The following ZNF536 variants were observed in gnomAD, a reference collection of about 807,000 sequenced individuals.
ZNF536 encodes the protein zinc finger protein 536.
Under a neutral mutation model 84.5 loss-of-function variants are expected in ZNF536, and 13 were observed. That is an observed-to-expected ratio of 0.15 (90% CI 0.10 to 0.24). The LOEUF (loss-of-function observed/expected upper bound fraction) is 0.24. ZNF536 is among the 10% of genes least tolerant of loss of function. The pLI is 1.00. For synonymous variants in ZNF536, 811 were observed against 742.5 expected, an observed-to-expected ratio of 1.09 and a Z score of -1.50; for missense variants, 1,536 against 1,747.5, an observed-to-expected ratio of 0.88 and a Z score of 2.16.
chr19:30,447,262 G>A (rs1359651491), intron 2 of ZNF536, among the ~76,000 whole-genome samples: 2 of 152,134 alleles, frequency 1.3e-5, no homozygotes, highest in Non-Finnish European at 2.9e-5. Context: ...ATTCACTGCT[G>A]CACTTATTAA....
At chr19:30,382,342 T>C (rs571879295) in intron 1 of ZNF536, among the ~76,000 whole-genome samples, 15 of 152,342 alleles carry the variant, frequency 9.8e-5, no homozygotes, top group African/African-American at 3.6e-4. Flanking sequence ...GGCAACTGCA[T>C]GGTCTATCCA....
chr19:30,445,234 C>G lies in ZNF536; in HGVS notation c.1672C>G (p.Leu558Val), dbSNP rs2052265236. ...AGACACTTTGGCAAACGCCGGGGTT[C>G]TGTTTGATAAGGAGAAGCGGGAGTA... is the stretch of plus-strand genomic sequence containing the variant. The part of the protein sequence containing the change: ...HEDTLANAGV[L>V]FDKEKREYVL... The change falls in exon 2 of 5, where the codon CTG (leucine) becomes GTG (valine). Residue 558 changes from leucine (L) to valine (V), a missense_variant. Transcript: ENST00000355537. The surrounding 1 kb of genome is among the most constrained non-coding windows in gnomAD (Gnocchi z 4.5). 52 of 1,614,170 alleles carry G rather than the reference C, an allele frequency of 3.2e-5. No individual in the cohort carries two copies. Among genetic ancestry groups the G allele is most frequent in the Non-Finnish European group, 4.4e-5 (52 of 1,180,044 alleles).
At chr19:30,682,803 C>T (rs763167773) in intron 1 of ZNF536, among the ~76,000 whole-genome samples, 1 of 152,122 alleles carries the variant, frequency 6.6e-6, no homozygotes, top group Non-Finnish European at 1.5e-5. Context: ...GCCCTCTCCC[C>T]GGGAGTGGAA....
At position 30,567,048 on chromosome 19, in the gene ZNF536, C is replaced by T. The variant is rs112690537; in HGVS notation, c.169+17534C>T. Among the ~76,000 whole-genome samples, 858 of 152,304 alleles carry T rather than the reference C, an allele frequency of 5.6e-3. 15 individuals are homozygous for T. The highest frequency in any genetic ancestry group is 0.02 in the African/African-American group (839 of 41,564). Reference sequence around the variant, plus strand: ...GGGTAGTGGCGGTTCCTGGGAGTGGCTTCTCTGGGCAGTGGAGGTCCCTGG... The same window carrying T: ...GGGTAGTGGCGGTTCCTGGGAGTGGTTTCTCTGGGCAGTGGAGGTCCCTGG... On this transcript the variant is annotated intron_variant, in intron 1 of 1. Coordinates refer to the ZNF536 transcript ENST00000592773.
rs771537870 is a variant in ZNF536 at position 30,548,264 on chromosome 19, C to T, written c.2645C>T (p.Ser882Leu). 3 of 1,614,232 alleles carry T rather than the reference C, an allele frequency of 1.9e-6. No individual in the cohort carries two copies. Among genetic ancestry groups the T allele is most frequent in the Non-Finnish European group, 2.5e-6 (3 of 1,180,038 alleles). ...QATGMSSEVPSDALKGTDLPS... is the reference protein window; with the variant it reads ...QATGMSSEVPLDALKGTDLPS... Reference sequence around the variant, plus strand: ...ACGGGCATGTCTTCGGAGGTCCCCTCAGATGCTCTGAAAGGCACTGACCTT... The same window carrying T: ...ACGGGCATGTCTTCGGAGGTCCCCTTAGATGCTCTGAAAGGCACTGACCTT... Residue 882 changes from serine (S) to leucine (L), a missense_variant, in exon 4 of 5, where the codon TCA becomes TTA. Physicochemically the swap from Ser to Leu is moderately radical, Grantham distance 145. Transcript: ENST00000355537.
chr19:30,564,849 G>A (rs1193816389), intron 1 of ZNF536, among the ~76,000 whole-genome samples: 1 of 152,224 alleles, frequency 6.6e-6, no homozygotes, highest in Non-Finnish European at 1.5e-5. Context: ...TGTGAGTTAT[G>A]ACTCCAAGGA....
rs540570795 is a variant in ZNF536, at chr19:30,494,285, G to T, written c.2171-40562G>T. ...TTATGACTGGTTCGTTACAGCTAAG[G>T]TCAGTGTCCCGACAAGTGGACACTT... is the stretch of plus-strand genomic sequence containing the variant. On this transcript the variant is annotated intron_variant, in intron 2 of 4. Coordinates refer to ENST00000355537, the MANE Select transcript of ZNF536 (RefSeq NM_014717.3). Among the ~76,000 whole-genome samples, 13 of 152,286 alleles carry T rather than the reference G, an allele frequency of 8.5e-5. No individual in the cohort carries two copies. In the East Asian group the frequency reaches 2.5e-3, roughly 29 times the overall value.
intron 1 of ZNF536, among the ~76,000 whole-genome samples, chr19:30,579,320 T>C (rs150547179): frequency 6.6e-6 from 1 of 152,254 alleles, no homozygotes; most frequent in African/African-American, 2.4e-5. Context: ...TTCTCACAGG[T>C]CTTTGGGTCA....
At chr19:30,246,930 G>A (rs1599872354) in intron 1 of ZNF536, among the ~76,000 whole-genome samples, 3 of 152,142 alleles carry the variant, frequency 2.0e-5, no homozygotes, top group Admixed American at 2.0e-4. Context: ...CATCATGAAT[G>A]GGTTCCTTGA....
At chr19:30,250,221 A>G (rs2024527348) in intron 1 of ZNF536, among the ~76,000 whole-genome samples, 1 of 152,210 alleles carries the variant, frequency 6.6e-6, no homozygotes, top group South Asian at 2.1e-4. Flanking sequence ...GCAGAAGATC[A>G]CTGTGAAAAA....
intron 1 of ZNF536, among the ~76,000 whole-genome samples, chr19:30,617,862 CAG>C (rs1180661202): frequency 6.6e-6 from 1 of 152,180 alleles, no homozygotes; most frequent in African/African-American, 2.4e-5. Context: ...ACATCCTACA[CAG>C]AGACTGTTGG....
At chr19:30,606,614 A>G (rs1470210780) in intron 1 of ZNF536, among the ~76,000 whole-genome samples, 1 of 152,170 alleles carries the variant, frequency 6.6e-6, no homozygotes. Context: ...TTCTTAGGTG[A>G]CCACAGTTCC....
chr19:30,477,312 C>T lies in ZNF536; in HGVS notation c.2170+31580C>T, dbSNP rs535039536. Among the ~76,000 whole-genome samples the T allele has an allele frequency of 5.9e-5, 9 of 152,248 alleles. No individual in the cohort carries two copies. In the South Asian group the frequency reaches 1.2e-3, roughly 21 times the overall value. On this transcript the variant is annotated intron_variant, in intron 2 of 4. Coordinates refer to ENST00000355537, the MANE Select transcript of ZNF536 (RefSeq NM_014717.3). ...AGGGCAGGAATGGTGTCTGTTTTGT[C>T]CAGTTAGGTAGCCCAGGGCCTAGAG...
At chr19:30,493,727 A>G (rs2054603084) in intron 2 of ZNF536, among the ~76,000 whole-genome samples, 1 of 152,184 alleles carries the variant, frequency 6.6e-6, no homozygotes, top group East Asian at 1.9e-4. Flanking sequence ...AAATCGTATC[A>G]TGATGTTGAG....
At chr19:30,376,949 G>A (rs993225384) in intron 1 of ZNF536, among the ~76,000 whole-genome samples, 1 of 152,224 alleles carries the variant, frequency 6.6e-6, no homozygotes, top group Non-Finnish European at 1.5e-5. Flanking sequence ...GCCAACAGGT[G>A]TTTGCAGGCC....
chr19:30,392,441 G>A (rs2049634945), intron 1 of ZNF536, among the ~76,000 whole-genome samples: 1 of 152,170 alleles, frequency 6.6e-6, no homozygotes, highest in African/African-American at 2.4e-5. Context: ...GGGTTGGAAG[G>A]GCTGGGATGT....
At chr19:30,407,087 C>T (rs373637976) in intron 1 of ZNF536, among the ~76,000 whole-genome samples, 16 of 152,252 alleles carry the variant, frequency 1.1e-4, no homozygotes, top group African/African-American at 3.9e-4. Flanking sequence ...GGGGTCACAG[C>T]AGGTGGCTGG....
intron 1 of ZNF536, among the ~76,000 whole-genome samples, chr19:30,252,083 C>G (rs936811161): frequency 2.6e-5 from 4 of 152,082 alleles, no homozygotes; most frequent in African/African-American, 9.7e-5. Flanking sequence ...ACAATGAACT[C>G]AAACAAATTA....
chr19:30,506,273 T>A lies in ZNF536; in HGVS notation c.2171-28574T>A, dbSNP rs368286957. ...CCTCCTGATGAGATTGGGTGGTTGA[T>A]GACTTTTCTCTATGTCCCTAAAGTT... On this transcript the variant is annotated intron_variant, in intron 2 of 4. Coordinates refer to ENST00000355537, the MANE Select transcript of ZNF536 (RefSeq NM_014717.3). Among the ~76,000 whole-genome samples the A allele has an allele frequency of 5.3e-5, 8 of 152,312 alleles. No individual in the cohort carries two copies. The East Asian group carries it at 1.4e-3, about 26-fold the overall frequency.
Sources: gnomAD v4.1 joint callset for allele counts (sites outside exome capture counted in the v4.1 genomes callset) on GRCh38, gnomAD v4.1.1 for gene constraint, Gnocchi (gnomAD v3.1) non-coding constraint, MANE v1.5 for transcripts, NCBI Gene and HGNC (gene_info 2026-07-23, HGNC 2026-07-21) for gene names.